The following TIMP1 variants were observed in gnomAD, a reference collection of about 807,000 sequenced individuals.
TIMP1 encodes metalloproteinase inhibitor 1.
In TIMP1, 5 loss-of-function variants were observed where a neutral mutation model predicts 13.7. The ratio of observed to expected loss-of-function variants is 0.36; its 90% CI spans 0.19 to 0.76. TIMP1 has a LOEUF of 0.76. Ranked by LOEUF, TIMP1 falls within the 30% of genes least tolerant of loss-of-function variation. TIMP1 has a pLI of 0.51. For missense variants in TIMP1, 131 were observed against 168.4 expected, an observed-to-expected ratio of 0.78 and a Z score of 1.23; for synonymous variants, 63 against 67.1, an observed-to-expected ratio of 0.94 and a Z score of 0.30.
At position 47,585,086 on chromosome X, in the gene TIMP1, G is replaced by A. The variant is rs925372182; in HGVS notation, c.201+71G>A. ...CTCCTGGTCAAAACAGAAACTTCTG[G>A]CCACTGGTTGGTGCGAGAAAGTTGG... On this transcript the variant is annotated intron_variant, in intron 3 of 5. Transcript: ENST00000218388. The A allele has an allele frequency of 8.5e-6, 10 of 1,174,428 alleles. No homozygotes were observed. In the African/African-American group the frequency reaches 1.6e-4, roughly 19 times the overall value.
At chrX:47,585,102 A>G (rs2057817504) in intron 3 of TIMP1, 87 bp downstream of exon 3, 1 of 1,168,512 alleles carries the variant, frequency 8.6e-7, no homozygotes, top group Non-Finnish European at 1.2e-6. Flanking sequence ...GGTTGGTGCG[A>G]GAAAGTTGGC....
chrX:47,584,649 C>T (rs1434149466), intron 2 of TIMP1, among the ~76,000 whole-genome samples: 1 of 112,171 alleles, frequency 8.9e-6, no homozygotes, highest in African/African-American at 3.2e-5. Context: ...TGTTGTGTCC[C>T]TAACACCCAG....
rs200254858 is a variant in TIMP1, at chrX:47,585,273, G to A, written c.270G>A (p.Glu90=). The part of the protein sequence containing the change: ...DIRFVYTPAM[E]SVCGYFHRSH... ...GGTTCGTCTACACCCCCGCCATGGA[G>A]AGTGTCTGCGGATACTTCCACAGGT... is the stretch of plus-strand genomic sequence containing the variant. The change falls in exon 4 of 6, where the codon GAG becomes GAA. Residue 90 remains glutamate (E), a synonymous_variant. Coordinates refer to ENST00000218388, the MANE Select transcript of TIMP1 (RefSeq NM_003254.3). 97 of 1,209,272 alleles carry A rather than the reference G, an allele frequency of 8.0e-5. No homozygotes were observed. Among genetic ancestry groups the A allele is most frequent in the Non-Finnish European group, 1.1e-4 (95 of 894,730 alleles).
intron 5 of TIMP1, 130 bp downstream of exon 5, chrX:47,585,797 C>T (rs1238031275): frequency 8.6e-7 from 1 of 1,157,019 alleles, no homozygotes; most frequent in South Asian, 1.9e-5. Flanking sequence ...AAGGGCTGTC[C>T]CTGATCTCTC....
At chrX:47,582,649 C>A (rs55990337) in intron 1 of TIMP1, 175 bp downstream of exon 1, 24,724 of 324,665 alleles carry the variant, frequency 0.076, 772 homozygotes, top group Admixed American at 0.13. Flanking sequence ...ACTGCTTTCC[C>A]AACCCCGAGG....
intron 4 of TIMP1, 57 bp from the exon 5 acceptor site, chrX:47,585,486 T>TGGCAGCTC: frequency 5.9e-6 from 7 of 1,194,420 alleles, no homozygotes; most frequent in Non-Finnish European, 7.9e-6. Context: ...TTTGGCAGCT[T>TGGCAGCTC]GGCAGCTCAG....
chrX:47,583,568 C>T (rs751136722), intron 2 of TIMP1, 32 bp downstream of exon 2: 1 of 1,162,041 alleles, frequency 8.6e-7, no homozygotes, highest in South Asian at 2.0e-5. Flanking sequence ...CCCACACACT[C>T]TGCCTTGGTT....
intron 2 of TIMP1, among the ~76,000 whole-genome samples, chrX:47,584,458 C>T (rs1343940358): frequency 1.8e-5 from 2 of 111,937 alleles, no homozygotes; most frequent in Non-Finnish European, 3.8e-5. Flanking sequence ...GGAGGAGGTT[C>T]AGGAGCCTGA....
chrX:47,585,116 G>A (rs2057817556), intron 3 of TIMP1, 89 bp from the exon 4 acceptor site: 1 of 1,166,242 alleles, frequency 8.6e-7, no homozygotes, highest in Admixed American at 2.4e-5. Context: ...AGTTGGCTGT[G>A]ATCTTGGGAT....
chrX:47,583,379 G>C (rs2057808019), intron 1 of TIMP1, 29 bp from the exon 2 acceptor site: 1 of 1,173,397 alleles, frequency 8.5e-7, no homozygotes, highest in African/African-American at 1.8e-5. Context: ...GCTGGGCCGG[G>C]GCCTGCCTGA....
intron 5 of TIMP1, chrX:47,586,033 C>T: frequency 2.0e-6 from 2 of 981,760 alleles, no homozygotes. Flanking sequence ...ACTGACCCTT[C>T]CTCAGCACAT....
chrX:47,585,009 G>A lies in TIMP1; in HGVS notation c.195G>A (p.Met65Ile), dbSNP rs61756234. The A allele has an allele frequency of 3.8e-4, 464 of 1,208,306 alleles. 2 individuals are homozygous for A. The highest frequency in any genetic ancestry group is 4.7e-4 in the Non-Finnish European group (423 of 894,489). The change falls in exon 3 of 6, where the codon ATG (methionine) becomes ATA (isoleucine). Residue 65 changes from methionine (M) to isoleucine (I), a missense_variant. Met to Ile is a conservative substitution (Grantham distance 10). Transcript: ENST00000218388. ...TTLYQRYEIK[M>I]TKMYKGFQAL... is the part of the protein sequence containing the mutation. Reference sequence around the variant, plus strand: ...TATACCAGCGTTATGAGATCAAGATGACCAAGGTATCCCCTGCCCCCGCCT... The same window carrying A: ...TATACCAGCGTTATGAGATCAAGATAACCAAGGTATCCCCTGCCCCCGCCT...
rs1364473782 is a variant in TIMP1, at chrX:47,582,469, C to T, written c.-14C>T. On this transcript the variant is annotated 5_prime_UTR_variant, in exon 1 of 6. Transcript: ENST00000218388. ...CGCAGATCCAGCGCCCAGAGAGACA[C>T]CAGAGGTAAGCAGGGCCCGGGGTGG... 2.5e-5 allele frequency: 7 copies of T among 278,543 alleles called. No homozygotes were observed. The highest frequency in any genetic ancestry group is 5.1e-5 in the Non-Finnish European group (7 of 137,655). The allele number at this position is 278,543 out of a possible 1,213,427, so 23.0% of individuals were successfully genotyped here. A position where few individuals can be genotyped will look rare whatever the true frequency, so the allele number is the denominator to read the frequency against.
At chrX:47,585,992 C>A in intron 5 of TIMP1, 1 of 1,027,457 alleles carries the variant, frequency 9.7e-7, no homozygotes, top group Non-Finnish European at 1.3e-6. Flanking sequence ...AGAATGTTCT[C>A]CAAGAACCCA....
chrX:47,584,019 A>C (rs746282898), intron 2 of TIMP1, among the ~76,000 whole-genome samples: 2 of 111,242 alleles, frequency 1.8e-5, no homozygotes, highest in South Asian at 7.6e-4. Flanking sequence ...GGCCAGTGGG[A>C]ATGTGTAGCT....
At position 47,585,358 on chromosome X, in the gene TIMP1, C is replaced by T. The variant is rs761337197; in HGVS notation, c.328+27C>T. ...TGAGGCACCGTCCCCGCGCCCTGTG[C>T]CACACCAACCAGTCCCTGGGGCGCG... On this transcript the variant is annotated intron_variant, in intron 4 of 5. Coordinates refer to ENST00000218388, the MANE Select transcript of TIMP1 (RefSeq NM_003254.3). 2.5e-6 allele frequency: 3 copies of T among 1,210,135 alleles called. No homozygotes were observed. In the Admixed American group the frequency reaches 6.5e-5, roughly 26 times the overall value.
chrX:47,582,996 C>T (rs1294992552), intron 1 of TIMP1, among the ~76,000 whole-genome samples: 1 of 87,726 alleles, frequency 1.1e-5, no homozygotes, highest in Non-Finnish European at 2.2e-5. Context: ...TCCCTAAATT[C>T]CCCCAGCCTC....
At chrX:47,584,810 CTG>C (rs1363592921) in intron 2 of TIMP1, 124 bp from the exon 3 acceptor site, 5 of 528,121 alleles carry the variant, frequency 9.5e-6, no homozygotes, top group Non-Finnish European at 1.6e-5. Context: ...ACTTTGTGTG[CTG>C]TCTGGCATCC....
chrX:47,583,615 C>T, intron 2 of TIMP1, 79 bp downstream of exon 2: 1 of 1,047,251 alleles, frequency 9.5e-7, no homozygotes, highest in Non-Finnish European at 1.3e-6. Flanking sequence ...ATGGCACTTA[C>T]CTCTAGAATG....
Sources: gnomAD v4.1 joint callset for allele counts (sites outside exome capture counted in the v4.1 genomes callset) on GRCh38, gnomAD v4.1.1 for gene constraint, MANE v1.5 for transcripts, NCBI Gene and HGNC (gene_info 2026-07-23, HGNC 2026-07-21) for gene names.